The following MYO3B variants were observed in gnomAD, a reference collection of about 807,000 sequenced individuals.
MYO3B encodes myosin-IIIb.
MYO3B carries 156 observed loss-of-function variants against 174.6 expected under a neutral mutation model. The ratio of observed to expected loss-of-function variants is 0.89; its 90% confidence interval spans 0.78 to 1.02. MYO3B has a LOEUF of 1.02. Ranked by LOEUF, MYO3B falls within the 50% of genes least tolerant of loss-of-function variation. The pLI is 0.00. For synonymous variants in MYO3B, 563 were observed against 569.1 expected, an observed-to-expected ratio of 0.99 and a Z score of 0.15; for missense variants, 1,632 against 1,639.4, an observed-to-expected ratio of 1.00 and a Z score of 0.08.
intron 31 of MYO3B, 56 bp from the exon 32 acceptor site, chr2:170,543,836 A>G (rs1690286482): frequency 7.0e-7 from 1 of 1,431,216 alleles, no homozygotes; most frequent in South Asian, 1.2e-5. Flanking sequence ...CCATGTCCTT[A>G]AGGCTGTTTC....
intron 7 of MYO3B, among the ~76,000 whole-genome samples, chr2:170,303,568 A>C (rs1029562382): frequency 3.3e-5 from 5 of 152,136 alleles, no homozygotes; most frequent in African/African-American, 9.7e-5. Flanking sequence ...AGATGATTTC[A>C]TCACTTAGAT....
At chr2:170,389,940 G>A (rs1262523966) in intron 14 of MYO3B, among the ~76,000 whole-genome samples, 1 of 152,084 alleles carries the variant, frequency 6.6e-6, no homozygotes, top group African/African-American at 2.4e-5. Flanking sequence ...CCCCTCACTG[G>A]TTTCCCTGTA....
At chr2:170,188,881 T>C (rs1278778153) in intron 1 of MYO3B, among the ~76,000 whole-genome samples, 2 of 152,206 alleles carry the variant, frequency 1.3e-5, no homozygotes, top group Non-Finnish European at 2.9e-5. Flanking sequence ...ATGTATAGTT[T>C]ACACACCACA....
At position 170,375,511 on chromosome 2, in the gene MYO3B, G is replaced by GT. The variant is rs35093782; in HGVS notation, c.971+6146dup. On this transcript the variant is annotated intron_variant, in intron 9 of 34. Transcript: ENST00000408978. ...CTTGGTAGAAGAATTAAGTTGCTGG[G>GT]TTTTTTTTTTTTCTGCTCTGTTTAA... 7.4e-4 allele frequency among the ~76,000 whole-genome samples: 109 copies of GT among 147,756 alleles called. 1 individual carries two copies. The highest frequency in any genetic ancestry group is 3.0e-3 in the South Asian group (14 of 4,632).
intron 19 of MYO3B, among the ~76,000 whole-genome samples, chr2:170,403,224 A>G (rs1190500989): frequency 2.0e-5 from 3 of 152,216 alleles, no homozygotes; most frequent in African/African-American, 7.2e-5. Flanking sequence ...ACTCATTTAA[A>G]TTTTGTGTCA....
chr2:170,651,819 C>CTGGGGGG, intron 33 of MYO3B, 85 bp downstream of exon 33: 1 of 1,081,970 alleles, frequency 9.2e-7, no homozygotes, highest in South Asian at 1.3e-5. Context: ...CCAGCCCCTG[C>CTGGGGGG]AGCCCCACCC....
intron 32 of MYO3B, among the ~76,000 whole-genome samples, chr2:170,649,216 ATATATTATATATAAAATAATATATAT>A (rs1698737221): frequency 9.6e-5 from 2 of 20,928 alleles, no homozygotes; most frequent in African/African-American, 3.0e-4. Flanking sequence ...ATAATATATA[ATATATTATATATAAAATAATATATAT>A]TATATATAAA....
At chr2:170,503,528 C>CA in intron 28 of MYO3B, among the ~76,000 whole-genome samples, 1 of 136,710 alleles carries the variant, frequency 7.3e-6, no homozygotes, top group East Asian at 2.1e-4. Flanking sequence ...AGGTGCCTTC[C>CA]TTTTTTTTAG....
rs1256049574 is a variant in MYO3B at position 170,214,441 on chromosome 2, G to A, written c.384G>A (p.Leu128=). The A allele has an allele frequency of 1.2e-6, 2 of 1,614,172 alleles. No homozygotes were observed. Among genetic ancestry groups the A allele is most frequent in the East Asian group, 2.2e-5 (1 of 44,884 alleles). The part of the protein sequence containing the change: ...VKGLLRCGQR[L]DEAMISYILY... ...GTCTACTCAGATGTGGCCAGCGGTT[G>A]GATGAAGCAATGATCTCATACATCT... Residue 128 remains leucine, a synonymous_variant, in exon 4 of 35, where the codon TTG becomes TTA. Transcript: ENST00000408978.
chr2:170,372,650 G>A (rs904529897), intron 9 of MYO3B, among the ~76,000 whole-genome samples: 8 of 152,140 alleles, frequency 5.3e-5, no homozygotes, highest in Non-Finnish European at 1.2e-4. Flanking sequence ...AGAATCAGGT[G>A]AGAACAGTTC....
At chr2:170,516,375 C>T (rs1472502255) in intron 29 of MYO3B, among the ~76,000 whole-genome samples, 3 of 151,964 alleles carry the variant, frequency 2.0e-5, no homozygotes, top group African/African-American at 4.8e-5. Flanking sequence ...GGCGCGGTGG[C>T]TCACGCCTGT....
intron 28 of MYO3B, 43 bp downstream of exon 28, chr2:170,501,908 CTG>C: frequency 7.8e-7 from 1 of 1,276,122 alleles, no homozygotes; most frequent in Non-Finnish European, 1.1e-6. Context: ...TGAAAATATT[CTG>C]TGACTAACTT....
intron 7 of MYO3B, among the ~76,000 whole-genome samples, chr2:170,301,543 T>A (rs1203718174): frequency 6.6e-6 from 1 of 152,212 alleles, no homozygotes; most frequent in African/African-American, 2.4e-5. Context: ...ATTAAATTTA[T>A]GTTTAAAATG....
chr2:170,578,611 T>C (rs1234278394), intron 32 of MYO3B, among the ~76,000 whole-genome samples: 1 of 152,260 alleles, frequency 6.6e-6, no homozygotes, highest in Non-Finnish European at 1.5e-5. Flanking sequence ...ATCTGTGCGT[T>C]GTTAAAAATG....
intron 32 of MYO3B, among the ~76,000 whole-genome samples, chr2:170,633,478 G>A (rs2215996): frequency 0.7 from 106,168 of 152,012 alleles, 37,500 homozygotes; most frequent in African/African-American, 0.79. Context: ...TCTCAAAATA[G>A]TAAGAGCTAT....
At chr2:170,381,160 A>ATTTT (rs2094332491) in intron 9 of MYO3B, among the ~76,000 whole-genome samples, 1 of 151,630 alleles carries the variant, frequency 6.6e-6, no homozygotes, top group Non-Finnish European at 1.5e-5. Flanking sequence ...TAAAAACAAC[A>ATTTT]ACCCCCCCCA....
intron 32 of MYO3B, among the ~76,000 whole-genome samples, chr2:170,579,407 G>A (rs539701414): frequency 5.9e-5 from 9 of 152,178 alleles, no homozygotes; most frequent in African/African-American, 1.4e-4. Flanking sequence ...ACATTTTACC[G>A]TATTTGCTTC....
chr2:170,191,714 G>T (rs1390262357), intron 1 of MYO3B, among the ~76,000 whole-genome samples: 1 of 152,138 alleles, frequency 6.6e-6, no homozygotes, highest in South Asian at 2.1e-4. Context: ...TTGGGGGAAG[G>T]GTGGCATCAG....
At chr2:170,362,981 T>C (rs1377528734) in intron 8 of MYO3B, among the ~76,000 whole-genome samples, 2 of 152,190 alleles carry the variant, frequency 1.3e-5, no homozygotes, top group South Asian at 2.1e-4. Flanking sequence ...TAACCTATAA[T>C]TAGTGTATCC....
Sources: gnomAD v4.1 joint callset for allele counts (sites outside exome capture counted in the v4.1 genomes callset) on GRCh38, gnomAD v4.1.1 for gene constraint, MANE v1.5 for transcripts, NCBI Gene and HGNC (gene_info 2026-07-23, HGNC 2026-07-21) for gene names.